The following NEGR1 variants were observed in gnomAD, a reference collection of about 807,000 sequenced individuals.
The protein encoded by NEGR1 is neuronal growth regulator 1.
In NEGR1, 10 loss-of-function variants were observed where a neutral mutation model predicts 40.9. That is an observed-to-expected ratio of 0.24 (90% confidence interval 0.15 to 0.42). The LOEUF (loss-of-function observed/expected upper bound fraction) is 0.42, where lower values mean the gene tolerates loss of function less well. NEGR1 is among the 10% of genes least tolerant of loss of function. The pLI is 1.00. For synonymous variants in NEGR1, 185 were observed against 166.8 expected, an observed-to-expected ratio of 1.11 and a Z score of -0.84; for missense variants, 352 against 438.9, an observed-to-expected ratio of 0.80 and a Z score of 1.77.
intron 1 of NEGR1, among the ~76,000 whole-genome samples, chr1:71,994,415 C>A (rs913425424): frequency 1.3e-5 from 2 of 151,928 alleles, no homozygotes; most frequent in East Asian, 1.9e-4. Context: ...GTAGTACCAG[C>A]TACTCGGGAG....
At chr1:71,535,294 T>A (rs1647479229) in intron 6 of NEGR1, among the ~76,000 whole-genome samples, 1 of 151,656 alleles carries the variant, frequency 6.6e-6, no homozygotes, top group Non-Finnish European at 1.5e-5. Flanking sequence ...TAATGCTGAT[T>A]TGAGAGTTCA....
intron 4 of NEGR1, among the ~76,000 whole-genome samples, chr1:71,688,880 T>C (rs544571416): frequency 2.6e-5 from 4 of 152,264 alleles, no homozygotes; most frequent in African/African-American, 9.6e-5. Flanking sequence ...ATCTTTAAGG[T>C]GTTTATAATT....
chr1:71,705,717 A>G (rs1653866504), intron 3 of NEGR1, among the ~76,000 whole-genome samples: 1 of 152,018 alleles, frequency 6.6e-6, no homozygotes, highest in African/African-American at 2.4e-5. Flanking sequence ...GAGACTCAGT[A>G]AAAAGAAAAG....
intron 1 of NEGR1, among the ~76,000 whole-genome samples, chr1:72,190,748 A>G (rs531598349): frequency 1.3e-3 from 196 of 151,754 alleles, no homozygotes; most frequent in Non-Finnish European, 2.0e-3. Context: ...ATGATTATGT[A>G]TAAGAAAACT....
intron 2 of NEGR1, among the ~76,000 whole-genome samples, chr1:71,863,437 G>A (rs1267707170): frequency 6.6e-6 from 1 of 152,090 alleles, no homozygotes; most frequent in Non-Finnish European, 1.5e-5. Context: ...CACACACTGG[G>A]ACCTATTGGG....
chr1:72,049,387 T>C (rs547373347), intron 1 of NEGR1, among the ~76,000 whole-genome samples: 1 of 151,558 alleles, frequency 6.6e-6, no homozygotes, highest in East Asian at 1.9e-4. Context: ...ATGAAGCACC[T>C]TAGAAAGAAT....
chr1:71,573,139 G>A (rs1254096315), intron 6 of NEGR1, among the ~76,000 whole-genome samples: 1 of 152,058 alleles, frequency 6.6e-6, no homozygotes, highest in African/African-American at 2.4e-5. Context: ...TTGTAGGTTC[G>A]ATGTTACACT....
chr1:72,022,562 T>TAA lies in NEGR1; in HGVS notation c.177-87253_177-87252dup, dbSNP rs576426993. Among the ~76,000 whole-genome samples the TAA allele has an allele frequency of 7.8e-4, 117 of 150,422 alleles. 3 individuals carry two copies. The highest frequency in any genetic ancestry group is 7.3e-3 in the South Asian group (35 of 4,784). On this transcript the variant is annotated intron_variant, in intron 1 of 6. Transcript: ENST00000357731. Reference sequence around the variant, plus strand: ...ATATATAAACACACACATATATATATAATACATGTATATATAAATTATAGA... The same window carrying TAA: ...ATATATAAACACACACATATATATATAAAATACATGTATATATAAATTATAGA...
chr1:71,506,826 A>T (rs557568263), intron 6 of NEGR1, among the ~76,000 whole-genome samples: 2 of 152,186 alleles, frequency 1.3e-5, no homozygotes, highest in African/African-American at 2.4e-5. Context: ...AACAAAAAAA[A>T]CCATAATGGT....
intron 6 of NEGR1, among the ~76,000 whole-genome samples, chr1:71,471,091 G>C (rs1646778956): frequency 6.6e-6 from 1 of 152,006 alleles, no homozygotes; most frequent in Non-Finnish European, 1.5e-5. Flanking sequence ...TCCTGCTCAA[G>C]AATCAATTCC....
chr1:72,165,690 T>C (rs1570067332), intron 1 of NEGR1, among the ~76,000 whole-genome samples: 1 of 152,120 alleles, frequency 6.6e-6, no homozygotes, highest in East Asian at 1.9e-4. Flanking sequence ...TAGCAAGGCA[T>C]GGTGTCCATT....
chr1:71,480,483 T>A (rs547650565), intron 6 of NEGR1, among the ~76,000 whole-genome samples: 1 of 151,960 alleles, frequency 6.6e-6, no homozygotes, highest in South Asian at 2.1e-4. Context: ...TTATTAATTG[T>A]GTTTATTGTT....
At chr1:71,929,744 TTC>T (rs1360130772) in intron 2 of NEGR1, among the ~76,000 whole-genome samples, 1 of 152,064 alleles carries the variant, frequency 6.6e-6, no homozygotes, top group African/African-American at 2.4e-5. Context: ...TTTTTTTTTT[TTC>T]TTCTTTTGGT....
chr1:71,818,503 G>T (rs1658309681), intron 2 of NEGR1, among the ~76,000 whole-genome samples: 1 of 151,932 alleles, frequency 6.6e-6, no homozygotes, highest in African/African-American at 2.4e-5. Flanking sequence ...GACAGAAAGA[G>T]GGGAACAACA....
intron 6 of NEGR1, among the ~76,000 whole-genome samples, chr1:71,592,613 C>T (rs542354484): frequency 6.6e-6 from 1 of 152,254 alleles, no homozygotes; most frequent in South Asian, 2.1e-4. Flanking sequence ...CACATGTCGA[C>T]TTCTACAGGG....
intron 2 of NEGR1, among the ~76,000 whole-genome samples, chr1:71,803,536 G>T (rs1215028778): frequency 6.6e-6 from 1 of 152,024 alleles, no homozygotes; most frequent in Admixed American, 6.6e-5. Flanking sequence ...AGCTCCATTG[G>T]TTCCTTGCTC....
intron 2 of NEGR1, among the ~76,000 whole-genome samples, chr1:71,808,059 A>C (rs1557660131): frequency 2.0e-5 from 3 of 152,162 alleles, no homozygotes; most frequent in Admixed American, 1.3e-4. Context: ...GAAAATAAGA[A>C]AAGTTATTGT....
intron 3 of NEGR1, among the ~76,000 whole-genome samples, chr1:71,713,854 A>T (rs1275984039): frequency 6.6e-6 from 1 of 152,262 alleles, no homozygotes; most frequent in East Asian, 1.9e-4. Context: ...TTGTAAAAAA[A>T]AGATATTTTA....
chr1:72,111,661 T>C (rs1039175920), intron 1 of NEGR1, among the ~76,000 whole-genome samples: 1 of 151,790 alleles, frequency 6.6e-6, no homozygotes, highest in Non-Finnish European at 1.5e-5. Context: ...ATAATGAATA[T>C]TAATTTCTTT....
Sources: allele counts gnomAD v4.1 joint callset (sites outside exome capture counted in the v4.1 genomes callset), GRCh38; gene constraint gnomAD v4.1.1; transcripts MANE v1.5; gene names NCBI Gene and HGNC (gene_info 2026-07-23, HGNC 2026-07-21).